The following BAZ1B variants were observed in gnomAD, a reference collection of about 807,000 sequenced individuals.
The protein encoded by BAZ1B is tyrosine-protein kinase BAZ1B.
In BAZ1B, 22 loss-of-function variants were observed where a neutral mutation model predicts 153.8. The ratio of observed to expected loss-of-function variants is 0.14; its 90% confidence interval spans 0.10 to 0.20. The LOEUF is 0.20. Ranked by LOEUF, BAZ1B falls within the 10% of genes least tolerant of loss-of-function variation. BAZ1B has a pLI of 1.00. For synonymous variants in BAZ1B, 676 were observed against 633.4 expected, an observed-to-expected ratio of 1.07 and a Z score of -1.01; for missense variants, 1,325 against 1,799.3, an observed-to-expected ratio of 0.74 and a Z score of 4.77.
intron 4 of BAZ1B, among the ~76,000 whole-genome samples, chr7:73,493,920 G>A (rs118029668): frequency 9.2e-5 from 14 of 151,952 alleles, no homozygotes; most frequent in Non-Finnish European, 1.9e-4. Context: ...ATAAGGTGTG[G>A]TTAAATATGA....
intron 13 of BAZ1B, among the ~76,000 whole-genome samples, chr7:73,451,577 T>C (rs1788027947): frequency 6.6e-6 from 1 of 152,204 alleles, no homozygotes; most frequent in African/African-American, 2.4e-5. Context: ...TTCTCTTTCC[T>C]ATAGAAACAG....
intron 6 of BAZ1B, among the ~76,000 whole-genome samples, chr7:73,484,989 G>T (rs1264005159): frequency 6.6e-6 from 1 of 152,276 alleles, no homozygotes; most frequent in South Asian, 2.1e-4. Context: ...GATTACTGAA[G>T]AACTGGGAAA....
intron 6 of BAZ1B, among the ~76,000 whole-genome samples, chr7:73,485,921 C>T (rs997224419): frequency 3.3e-5 from 5 of 152,046 alleles, no homozygotes; most frequent in East Asian, 1.9e-4. Context: ...AATAGGGCTG[C>T]AATGTATTAC....
intron 1 of BAZ1B, among the ~76,000 whole-genome samples, chr7:73,521,431 T>A (rs1288756069): frequency 1.3e-5 from 2 of 152,176 alleles, no homozygotes; most frequent in Non-Finnish European, 2.9e-5. Context: ...TTTAAATTTT[T>A]AAAAAATTTT....
intron 3 of BAZ1B, among the ~76,000 whole-genome samples, chr7:73,502,511 G>A (rs1790174303): frequency 6.6e-6 from 1 of 152,062 alleles, no homozygotes; most frequent in Non-Finnish European, 1.5e-5. Flanking sequence ...AAAGCAGGAG[G>A]ACTGCTTGAG....
Position 73,522,174 on chromosome 7 carries a change from A to G in BAZ1B, c.-241T>C. On this transcript the variant is annotated 5_prime_UTR_variant, in exon 1 of 20. Transcript: ENST00000339594. ...CGCGCCTCCCAGCAGCCCCCCGCCG[A>G]CCTCCGCTTCGGGTCCCGGCGGCCG... 1 of 394,658 alleles carries G rather than the reference A, an allele frequency of 2.5e-6. No individual in the cohort carries two copies. The highest frequency in any genetic ancestry group is 4.5e-6 in the Non-Finnish European group (1 of 223,846). 24.4% of individuals were successfully genotyped at this position (394,658 alleles called of 1,614,324 possible). A position where few individuals can be genotyped will look rare whatever the true frequency, so the allele number is the denominator to read the frequency against.
chr7:73,500,941 T>C (rs1016256342), intron 3 of BAZ1B, among the ~76,000 whole-genome samples: 4 of 147,252 alleles, frequency 2.7e-5, no homozygotes, highest in South Asian at 4.3e-4. Flanking sequence ...GCAACCCTTA[T>C]GATAAATCCA....
chr7:73,466,744 T>A (rs116506816), intron 9 of BAZ1B, among the ~76,000 whole-genome samples: 2 of 152,174 alleles, frequency 1.3e-5, no homozygotes, highest in African/African-American at 4.8e-5. Context: ...GCATCTGTAG[T>A]GAAGCAGAGG....
At chr7:73,475,503 G>A (rs1788963513) in intron 7 of BAZ1B, among the ~76,000 whole-genome samples, 1 of 152,352 alleles carries the variant, frequency 6.6e-6, no homozygotes, top group South Asian at 2.1e-4. Context: ...GCATTTACAT[G>A]AAATATCCAG....
At chr7:73,479,271 G>A (rs1277713378) in intron 6 of BAZ1B, among the ~76,000 whole-genome samples, 1 of 152,006 alleles carries the variant, frequency 6.6e-6, no homozygotes, top group African/African-American at 2.4e-5. Flanking sequence ...AACTTTGGGA[G>A]GCCGAGGCAG....
At chr7:73,488,146 C>T (rs550116178) in intron 6 of BAZ1B, among the ~76,000 whole-genome samples, 8 of 152,284 alleles carry the variant, frequency 5.3e-5, no homozygotes, top group African/African-American at 1.7e-4. Context: ...TGGTTCTACG[C>T]TGGCCCAGAG....
intron 4 of BAZ1B, among the ~76,000 whole-genome samples, chr7:73,493,849 A>G (rs1453316127): frequency 1.3e-5 from 2 of 151,828 alleles, no homozygotes; most frequent in African/African-American, 4.8e-5. Context: ...CAAAAAAAAA[A>G]AAAAAAAGAG....
chr7:73,489,042 TAAC>T (rs1789530480), intron 6 of BAZ1B, 149 bp downstream of exon 6: 1 of 712,616 alleles, frequency 1.4e-6, no homozygotes, highest in Admixed American at 3.0e-5. Flanking sequence ...CAACCTCACA[TAAC>T]AACCTGTATG....
chr7:73,468,255 G>A lies in BAZ1B; in HGVS notation c.2866+1262C>T, dbSNP rs578063978. On this transcript the variant is annotated intron_variant, in intron 9 of 19. Transcript: ENST00000339594. ...CATTTAACCTAGTGGTTCTCGAAAGGGAGCACTGCTGCCTGCCACATGTAT... is the reference window on the plus strand; with the variant it reads ...CATTTAACCTAGTGGTTCTCGAAAGAGAGCACTGCTGCCTGCCACATGTAT... Among the ~76,000 whole-genome samples the A allele has an allele frequency of 5.9e-5, 9 of 152,158 alleles. No homozygotes were observed. The East Asian group carries it at 1.7e-3, about 29-fold the overall frequency.
At chr7:73,463,156 CA>C (rs1554570646) in intron 11 of BAZ1B, 57 bp from the exon 12 acceptor site, 1 of 1,425,090 alleles carries the variant, frequency 7.0e-7, no homozygotes, top group Non-Finnish European at 9.5e-7. Flanking sequence ...AGATGTTCTT[CA>C]AATTTCAATT....
In BAZ1B at chr7:73,521,755, G is replaced by T. The variant is rs1227117796; in HGVS notation, c.107+72C>A. 7.0e-5 allele frequency: 91 copies of T among 1,306,962 alleles called. No individual in the cohort carries two copies. In the East Asian group the frequency reaches 3.2e-3, roughly 45 times the overall value. 81.0% of individuals were successfully genotyped at this position (1,306,962 alleles called of 1,614,324 possible). A position where few individuals can be genotyped will look rare whatever the true frequency, so the allele number is the denominator to read the frequency against. On this transcript the variant is annotated intron_variant, in intron 1 of 19. Coordinates refer to ENST00000339594, the MANE Select transcript of BAZ1B (RefSeq NM_032408.4). ...CGGGCCGGGGATGCGCGGCTGACCT[G>T]GTCTCGCGAGCCCCAGGCCCTACCC... is the stretch of plus-strand genomic sequence containing the variant.
intron 1 of BAZ1B, among the ~76,000 whole-genome samples, chr7:73,518,273 C>CGTGGTGGCGGGCGCCTGTA (rs1341380351): frequency 6.6e-6 from 1 of 150,692 alleles, no homozygotes; most frequent in African/African-American, 2.4e-5. Flanking sequence ...ATTAGCCAGG[C>CGTGGTGGCGGGCGCCTGTA]GTGGTGGCGG....
chr7:73,481,866 T>C (rs1789215104), intron 6 of BAZ1B, among the ~76,000 whole-genome samples: 1 of 151,786 alleles, frequency 6.6e-6, no homozygotes, highest in Non-Finnish European at 1.5e-5. Context: ...TGAAACACCA[T>C]CTCTACTAAA....
chr7:73,467,922 T>C (rs1554571426), intron 9 of BAZ1B, among the ~76,000 whole-genome samples: 1 of 152,194 alleles, frequency 6.6e-6, no homozygotes, highest in Admixed American at 6.5e-5. Flanking sequence ...GATTCTTCTA[T>C]AAAGTGACAT....
Sources: gnomAD v4.1 joint callset for allele counts (sites outside exome capture counted in the v4.1 genomes callset) on GRCh38, gnomAD v4.1.1 for gene constraint, MANE v1.5 for transcripts, NCBI Gene and HGNC (gene_info 2026-07-23, HGNC 2026-07-21) for gene names.